SYNE3: variants seen among roughly 807,000 people sequenced by gnomAD.
SYNE3 encodes nesprin-3.
Under a neutral mutation model 111.2 loss-of-function variants are expected in SYNE3, and 100 were observed. The observed-to-expected ratio is 0.90, with a 90% CI of 0.77 to 1.06. The LOEUF (loss-of-function observed/expected upper bound fraction) is 1.06. SYNE3 is among the 50% of genes least tolerant of loss of function. SYNE3 has a pLI of 0.00. For synonymous variants in SYNE3, 547 were observed against 533.9 expected (o/e 1.02, Z -0.34); for missense variants, 1,160 against 1,240.3 (o/e 0.94, Z 0.97).
Position 95,500,319 on chromosome 14 carries a change from C to A in SYNE3, c.-15+16277G>T, listed in dbSNP as rs367923601. On this transcript the variant is annotated intron_variant, in intron 1 of 17. Transcript: ENST00000682763. This position sits in a 1 kb window ranked among gnomAD's most constrained non-coding sequence, Gnocchi z 4.7. ...GAACTTTGAGACGCCAGGTTTACGA[C>A]GTGCCTGTGAGAAGCCGGGCATCCA... is the stretch of plus-strand genomic sequence containing the variant. Among the ~76,000 whole-genome samples, 1 of 152,170 alleles carries A rather than the reference C, an allele frequency of 6.6e-6. No homozygotes were observed. The highest frequency in any genetic ancestry group is 2.1e-4 in the South Asian group (1 of 4,832).
At chr14:95,495,410 G>T (rs1008053842) in intron 1 of SYNE3, among the ~76,000 whole-genome samples, 1 of 152,240 alleles carries the variant, frequency 6.6e-6, no homozygotes, top group South Asian at 2.1e-4. Context: ...TAGGTGTCAA[G>T]GTTATCACTG....
At chr14:95,426,583 C>CA (rs954510603) in intron 17 of SYNE3, among the ~76,000 whole-genome samples, 46 of 149,304 alleles carry the variant, frequency 3.1e-4, no homozygotes, top group South Asian at 1.7e-3. Context: ...GGGATTTTTG[C>CA]AAAAAAAAAT....
At chr14:95,503,468 C>T (rs947575602) in intron 1 of SYNE3, among the ~76,000 whole-genome samples, 6 of 152,158 alleles carry the variant, frequency 3.9e-5, no homozygotes, top group Non-Finnish European at 7.3e-5. Flanking sequence ...AGTCACCTGC[C>T]CTAAGTCCCA....
chr14:95,475,130 G>C (rs1888799897), intron 2 of SYNE3, among the ~76,000 whole-genome samples: 1 of 152,252 alleles, frequency 6.6e-6, no homozygotes, highest in Non-Finnish European at 1.5e-5. Flanking sequence ...ACGATGCCAG[G>C]CCAGGCACTG....
intron 1 of SYNE3, among the ~76,000 whole-genome samples, chr14:95,478,032 T>C (rs765037631): frequency 1.5e-4 from 23 of 152,302 alleles, no homozygotes; most frequent in Non-Finnish European, 2.6e-4. Context: ...CCCCTTCTTG[T>C]TGGCAATGCC....
chr14:95,487,845 T>C (rs1889624070), intron 1 of SYNE3, among the ~76,000 whole-genome samples: 1 of 152,108 alleles, frequency 6.6e-6, no homozygotes, highest in African/African-American at 2.4e-5. Context: ...AGATTTGAAC[T>C]GTGTGGGTCC....
chr14:95,425,417 G>A (rs1373595811), intron 17 of SYNE3, among the ~76,000 whole-genome samples: 1 of 152,196 alleles, frequency 6.6e-6, no homozygotes, highest in East Asian at 1.9e-4. Context: ...ACAGCAGAAA[G>A]ATGTGTGGTT....
intron 1 of SYNE3, among the ~76,000 whole-genome samples, chr14:95,479,176 C>T (rs1368343895): frequency 7.1e-6 from 1 of 140,092 alleles, no homozygotes; most frequent in Non-Finnish European, 1.5e-5. Flanking sequence ...GGGAGGATCA[C>T]TTGAGCTCAG....
In SYNE3 at chr14:95,416,380, C is replaced by T. The variant is rs1451608595; in HGVS notation, c.*1446G>A. ...GACAGAAGGTCCGAGGAAATCCCCT[C>T]GTATTTGTAGTTGAACAGACAAAAT... is the stretch of plus-strand genomic sequence containing the variant. On this transcript the variant is annotated 3_prime_UTR_variant, in exon 18 of 18. Coordinates refer to ENST00000682763, the MANE Select transcript of SYNE3 (RefSeq NM_152592.6). 1 of 152,198 alleles carries T rather than the reference C, an allele frequency of 6.6e-6. No homozygotes were observed. The highest frequency in any genetic ancestry group is 2.4e-5 in the African/African-American group (1 of 41,442). 9.4% of individuals were successfully genotyped at this position (152,198 alleles called of 1,614,324 possible). A position where few individuals can be genotyped will look rare whatever the true frequency, so the allele number is the denominator to read the frequency against.
In SYNE3 at chr14:95,470,725, C is replaced by T. The variant is rs533028492; in HGVS notation, c.145-2758G>A. On this transcript the variant is annotated intron_variant, in intron 2 of 17. Transcript: ENST00000682763. The surrounding 1 kb of genome is among the most constrained non-coding windows in gnomAD (Gnocchi z 4.2). Reference sequence around the variant, plus strand: ...CTGTAATCCCAACACTTTGGGAGGCCGAGGCGGACAGATCACGAGGTCAGG... The same window carrying T: ...CTGTAATCCCAACACTTTGGGAGGCTGAGGCGGACAGATCACGAGGTCAGG... 1.2e-4 allele frequency among the ~76,000 whole-genome samples: 18 copies of T among 152,072 alleles called. No individual in the cohort carries two copies. The East Asian group carries it at 3.1e-3, about 26-fold the overall frequency.
Position 95,450,108 on chromosome 14 carries a change from G to C in SYNE3, c.1275-3C>G. 1 of 1,573,072 alleles carries C rather than the reference G, an allele frequency of 6.4e-7. No homozygotes were observed. The highest frequency in any genetic ancestry group is 8.6e-7 in the Non-Finnish European group (1 of 1,158,626). ...GCCTCGCGCTCTTCACCTTCAGGCT[G>C]CAAGGAGCGTGGAGGGAGAAAATGA... On this transcript the variant is annotated splice_polypyrimidine_tract_variant and splice_region_variant and intron_variant, in intron 7 of 17. Transcript: ENST00000682763.
At chr14:95,501,304 A>G (rs904121636) in intron 1 of SYNE3, among the ~76,000 whole-genome samples, 4 of 152,220 alleles carry the variant, frequency 2.6e-5, no homozygotes, top group Admixed American at 6.5e-5. Context: ...TGTGAGTTCC[A>G]ACAGCACAAA....
At chr14:95,420,597 T>G (rs909005183) in intron 17 of SYNE3, among the ~76,000 whole-genome samples, 19 of 152,196 alleles carry the variant, frequency 1.2e-4, no homozygotes, top group African/African-American at 3.9e-4. Flanking sequence ...GGATTCCTGC[T>G]GCCTGCCCAG....
chr14:95,462,859 C>T (rs1173517001), intron 4 of SYNE3, among the ~76,000 whole-genome samples: 1 of 152,204 alleles, frequency 6.6e-6, no homozygotes, highest in African/African-American at 2.4e-5. Flanking sequence ...GTTTTTTAAT[C>T]TAAAAAATTA....
chr14:95,441,502 A>G (rs1409420041), intron 11 of SYNE3, among the ~76,000 whole-genome samples: 3 of 152,248 alleles, frequency 2.0e-5, no homozygotes, highest in African/African-American at 7.2e-5. Context: ...AAATAATAAA[A>G]GGGCAATTTC....
intron 8 of SYNE3, among the ~76,000 whole-genome samples, chr14:95,447,599 G>C (rs1326931043): frequency 1.3e-5 from 2 of 152,204 alleles, no homozygotes; most frequent in African/African-American, 4.8e-5. Flanking sequence ...TGTAACCACA[G>C]CTGATACAGC....
intron 1 of SYNE3, among the ~76,000 whole-genome samples, chr14:95,490,464 C>T (rs1020485312): frequency 6.6e-6 from 1 of 152,218 alleles, no homozygotes; most frequent in African/African-American, 2.4e-5. Context: ...ATGCCATGGC[C>T]AGCCCTTTAT....
intron 1 of SYNE3, among the ~76,000 whole-genome samples, chr14:95,482,098 T>C (rs1229331854): frequency 6.6e-6 from 1 of 152,238 alleles, no homozygotes; most frequent in Non-Finnish European, 1.5e-5. Context: ...ACCAGGTTCT[T>C]ACCTCTGTCT....
chr14:95,425,767 G>A (rs929257524), intron 17 of SYNE3, among the ~76,000 whole-genome samples: 6 of 152,218 alleles, frequency 3.9e-5, no homozygotes, highest in African/African-American at 9.6e-5. Context: ...GCTCAAAAAC[G>A]AAAGTCTATA....
Sources: gnomAD v4.1 joint callset for allele counts (sites outside exome capture counted in the v4.1 genomes callset) on GRCh38, gnomAD v4.1.1 for gene constraint, Gnocchi (gnomAD v3.1) non-coding constraint, MANE v1.5 for transcripts, NCBI Gene and HGNC (gene_info 2026-07-23, HGNC 2026-07-21) for gene names.